NEB: variants seen among roughly 807,000 people sequenced by gnomAD.
NEB encodes nebulin.
Under a neutral mutation model 952.2 loss-of-function variants are expected in NEB, and 512 were observed. The ratio of observed to expected loss-of-function variants is 0.54; its 90% CI spans 0.50 to 0.58. NEB has a LOEUF of 0.58. NEB is among the 20% of genes least tolerant of loss of function. The pLI, the probability that NEB is intolerant of heterozygous loss-of-function variation, is 0.00. For missense variants in NEB, 8,428 were observed against 9,231.1 expected, an observed-to-expected ratio of 0.91 and a Z score of 3.56; for synonymous variants, 2,900 against 3,149.8, an observed-to-expected ratio of 0.92 and a Z score of 2.66.
Position 151,733,796 on chromosome 2 carries a change from C to G in NEB, c.-113-1G>C, listed in dbSNP as rs1173512543. 1 of 152,160 alleles carries G rather than the reference C, an allele frequency of 6.6e-6. No homozygotes were observed. The highest frequency in any genetic ancestry group is 2.4e-5 in the African/African-American group (1 of 41,422). 9.4% of individuals were successfully genotyped at this position (152,160 alleles called of 1,614,324 possible). A position where few individuals can be genotyped will look rare whatever the true frequency, so the allele number is the denominator to read the frequency against. ...TCGTTTCTGTAGCTCTCGTTCAAAC[C>G]TGAAAAATAACAAAGTTGTAAAGCA... On this transcript the variant is annotated splice_acceptor_variant, in intron 1 of 181. Coordinates refer to ENST00000397345, the MANE Select transcript of NEB (RefSeq NM_001164508.2). LOFTEE classifies it low-confidence loss of function (5UTR_SPLICE).
At chr2:151,562,257 A>G (rs779325790) in intron 120 of NEB, 43 bp from the exon 121 acceptor site, 2 of 1,463,160 alleles carry the variant, frequency 1.4e-6, no homozygotes, top group Non-Finnish European at 1.9e-6. Flanking sequence ...GGTATTCTGA[A>G]TTTACAATTG....
chr2:151,574,868 G>A (rs1191763818), intron 107 of NEB, among the ~76,000 whole-genome samples: 2 of 151,860 alleles, frequency 1.3e-5, no homozygotes, highest in African/African-American at 2.4e-5. Flanking sequence ...AGTAACTTGG[G>A]CCACAGGTGC....
intron 37 of NEB, among the ~76,000 whole-genome samples, chr2:151,671,766 T>C (rs996736219): frequency 6.6e-6 from 1 of 152,220 alleles, no homozygotes; most frequent in Admixed American, 6.5e-5. Context: ...GGGAGCAATA[T>C]TTTTATCGAG....
Position 151,502,821 on chromosome 2 carries a change from ACT to A in NEB, c.23898_23899del (p.Arg7966SerfsTer9). 6.2e-7 allele frequency: 1 copy of A among 1,607,944 alleles called. No homozygotes were observed. The highest frequency in any genetic ancestry group is 1.1e-5 in the South Asian group (1 of 89,656). On this transcript the variant is annotated frameshift_variant, in exon 167 of 182. Coordinates refer to ENST00000397345, the MANE Select transcript of NEB (RefSeq NM_001164508.2). LOFTEE classifies it high-confidence loss of function. ...GCTAAAGTTCTCTTGATTGCGTTTGACTCTCTCCATCTCTGGAGTGATAGGTG... is the reference window on the plus strand; with the variant it reads ...GCTAAAGTTCTCTTGATTGCGTTTGACTCTCCATCTCTGGAGTGATAGGTG...
rs887967288 is a variant in NEB, at chr2:151,490,293, G to A, written c.25297+79C>T. 1.1e-5 allele frequency: 17 copies of A among 1,493,174 alleles called. No individual in the cohort carries two copies. The African/African-American group carries it at 1.6e-4, about 14-fold the overall frequency. 92.5% of individuals were successfully genotyped at this position (1,493,174 alleles called of 1,614,324 possible). ...ATGAAAAATTTTTAAATTTGTTTTT[G>A]TACTCAAAGCATCTCTTATAGTAAC... On this transcript the variant is annotated intron_variant, in intron 180 of 181. Transcript: ENST00000397345.
rs199957886 is a variant in NEB at position 151,508,079 on chromosome 2, T to G, written c.23377A>C (p.Met7793Leu). 214 of 1,609,628 alleles carry G rather than the reference T, an allele frequency of 1.3e-4. 1 individual carries two copies. The highest frequency in any genetic ancestry group is 6.6e-4 in the Middle Eastern group (4 of 6,078). ...KKYKEDAEKS[M>L]SYYETVLDTP... ...TCCAAAACAGTCTCATAATACGACA[T>G]GGACTTCTCAGCATCTTCCTTGTAC... is the stretch of plus-strand genomic sequence containing the variant. The change falls in exon 162 of 182, where the codon ATG becomes CTG. Residue 7793 changes from methionine to leucine, a missense_variant. By Grantham distance (15) the Met-to-Leu change is conservative. Transcript: ENST00000397345.
intron 67 of NEB, 114 bp from the exon 68 acceptor site, chr2:151,629,760 A>C (rs1020925427): frequency 3.7e-6 from 3 of 818,362 alleles, no homozygotes; most frequent in Non-Finnish European, 5.9e-6. Flanking sequence ...GAGACAATTC[A>C]AGTTTCTGGC....
chr2:151,577,722 G>A (rs936738018), intron 105 of NEB, among the ~76,000 whole-genome samples: 10 of 152,268 alleles, frequency 6.6e-5, no homozygotes, highest in African/African-American at 1.9e-4. Flanking sequence ...GGGATTACAG[G>A]CACATGCCAC....
At chr2:151,614,193 AC>A in intron 77 of NEB, 82 bp downstream of exon 77, 1 of 1,500,846 alleles carries the variant, frequency 6.7e-7, no homozygotes, top group Non-Finnish European at 9.1e-7. Context: ...TGTAGGTTTC[AC>A]CAGACTGTGG....
intron 156 of NEB, among the ~76,000 whole-genome samples, chr2:151,516,846 A>C (rs2077984046): frequency 6.6e-6 from 1 of 152,248 alleles, no homozygotes; most frequent in Non-Finnish European, 1.5e-5. Context: ...ATGCTGATGC[A>C]AGAAAACGCA....
At chr2:151,512,224 T>TA (rs1264020016) in intron 161 of NEB, among the ~76,000 whole-genome samples, 6 of 151,922 alleles carry the variant, frequency 3.9e-5, no homozygotes, top group Non-Finnish European at 7.4e-5. Context: ...TTAGTAGAGA[T>TA]AGAGTTTCAC....
At chr2:151,614,697 G>A in intron 76 of NEB, 110 bp from the exon 77 acceptor site, 8 of 1,255,700 alleles carry the variant, frequency 6.4e-6, no homozygotes, top group Non-Finnish European at 8.8e-6. Flanking sequence ...TATCATGAAG[G>A]AGAAAAGTGA....
chr2:151,578,717 A>AGGAAGGAG (rs2096984013), intron 105 of NEB, among the ~76,000 whole-genome samples: 1 of 146,970 alleles, frequency 6.8e-6, no homozygotes, highest in Non-Finnish European at 1.5e-5. Flanking sequence ...GAAGGAAGGA[A>AGGAAGGAG]GGAAGGAGGG....
chr2:151,705,073 C>A (rs542285125), intron 13 of NEB, among the ~76,000 whole-genome samples: 15 of 152,160 alleles, frequency 9.9e-5, no homozygotes, highest in Non-Finnish European at 1.8e-4. Context: ...TTTAAACAAA[C>A]CTTCATGAAA....
At position 151,512,794 on chromosome 2, in the gene NEB, G is replaced by A; in HGVS notation, c.23285C>T (p.Thr7762Ile). ...GATCTCTGGAGTATCAACCACAGAA[G>A]TGAAATTGGCTTTCTCCATTTCTGC... The part of the protein sequence containing the change: ...QSAEMEKANF[T>I]SVVDTPEIIH... The change falls in exon 161 of 182, where the codon ACT becomes ATT. Residue 7762 changes from threonine (T) to isoleucine (I), a missense_variant. By Grantham distance (89) the Thr-to-Ile change is moderately conservative. Coordinates refer to ENST00000397345, the MANE Select transcript of NEB (RefSeq NM_001164508.2). 6.2e-7 allele frequency: 1 copy of A among 1,613,800 alleles called. No homozygotes were observed. Among genetic ancestry groups the A allele is most frequent in the Non-Finnish European group, 8.5e-7 (1 of 1,179,758 alleles).
intron 54 of NEB, among the ~76,000 whole-genome samples, chr2:151,649,110 G>A (rs1022105538): frequency 6.6e-6 from 1 of 152,098 alleles, no homozygotes; most frequent in Non-Finnish European, 1.5e-5. Context: ...AAAGAAACTT[G>A]GATTCCAACA....
At position 151,666,162 on chromosome 2, in the gene NEB, G is replaced by A; in HGVS notation, c.4959C>T (p.Tyr1653=). 1 of 1,613,938 alleles carries A rather than the reference G, an allele frequency of 6.2e-7. No individual in the cohort carries two copies. The highest frequency in any genetic ancestry group is 8.5e-7 in the Non-Finnish European group (1 of 1,179,842). ...VATNANYRQS[Y]HHYTLLPDAL... ...CATCGGGCAGGAGAGTGTAGTGGTG[G>A]TATGACTGTCTGTAGTTGGCGTTGG... Residue 1653 remains tyrosine (Y), a synonymous_variant, in exon 41 of 182, where the codon TAC becomes TAT. Coordinates refer to ENST00000397345, the MANE Select transcript of NEB (RefSeq NM_001164508.2).
intron 84 of NEB, among the ~76,000 whole-genome samples, chr2:151,605,144 C>T (rs1334214609): frequency 6.3e-5 from 8 of 126,766 alleles, no homozygotes; most frequent in Non-Finnish European, 1.4e-4. Context: ...TTACTCTATG[C>T]CGGACACTAT....
In NEB at chr2:151,579,080, CAAAAAAAAAAAAAAA is replaced by C. The variant is rs1159995102; in HGVS notation, c.16704+243_16704+257del. ...TGGGTGACAGAGCAAGACTCCATCT[CAAAAAAAAAAAAAAA>C]AAAAAAAAAAAAGTAAGAAACTGGA... On this transcript the variant is annotated intron_variant, in intron 105 of 181. Transcript: ENST00000397345. Among the ~76,000 whole-genome samples the C allele has an allele frequency of 6.3e-5, 2 of 31,690 alleles. 1 individual carries two copies. Among genetic ancestry groups the C allele is most frequent in the Non-Finnish European group, 1.1e-4 (2 of 18,282 alleles). The allele number at this position is 31,690 out of a possible 152,430, so 20.8% of individuals were successfully genotyped here. A position where few individuals can be genotyped will look rare whatever the true frequency, so the allele number is the denominator to read the frequency against.
Sources: gnomAD v4.1 joint callset for allele counts (sites outside exome capture counted in the v4.1 genomes callset) on GRCh38, gnomAD v4.1.1 for gene constraint, MANE v1.5 for transcripts, NCBI Gene and HGNC (gene_info 2026-07-23, HGNC 2026-07-21) for gene names.